The following FGL1 variants were observed in gnomAD, a reference collection of about 807,000 sequenced individuals.
The protein encoded by FGL1 is fibrinogen-like protein 1.
FGL1 carries 59 observed loss-of-function variants against 43.7 expected under a neutral mutation model. The ratio of observed to expected loss-of-function variants is 1.35; its 90% CI spans 1.10 to 1.68. The LOEUF (loss-of-function observed/expected upper bound fraction) is 1.68, where lower values mean the gene tolerates loss of function less well. FGL1 is among the 40% of genes most tolerant of loss of function. The pLI, the probability that FGL1 is intolerant of heterozygous loss-of-function variation, is 0.00. For missense variants in FGL1, 596 were observed against 373.0 expected, an observed-to-expected ratio of 1.60 and a Z score of -4.92; for synonymous variants, 192 against 126.5, an observed-to-expected ratio of 1.52 and a Z score of -3.48.
intron 5 of FGL1, among the ~76,000 whole-genome samples, chr8:17,869,802 T>A (rs1482626617): frequency 6.6e-6 from 1 of 152,158 alleles, no homozygotes; most frequent in African/African-American, 2.4e-5. Flanking sequence ...GATATCTACA[T>A]GTGAAAGCAT....
At chr8:17,884,527 C>T (rs563857395) in intron 2 of FGL1, among the ~76,000 whole-genome samples, 1 of 152,202 alleles carries the variant, frequency 6.6e-6, no homozygotes, top group South Asian at 2.1e-4. Flanking sequence ...GTTCTTGTTA[C>T]TCTATCCCTA....
intron 3 of FGL1, among the ~76,000 whole-genome samples, chr8:17,875,547 T>TCTCTCTCTCTCTCTC (rs1563452433): frequency 6.2e-5 from 1 of 16,244 alleles, no homozygotes; most frequent in African/African-American, 1.6e-4. Flanking sequence ...CTTTCTTTCT[T>TCTCTCTCTCTCTCTC]TCTTTCTTTC....
At chr8:17,894,451 C>G (rs1271440961) in intron 1 of FGL1, among the ~76,000 whole-genome samples, 1 of 146,892 alleles carries the variant, frequency 6.8e-6, no homozygotes, top group Non-Finnish European at 1.5e-5. Context: ...TTGTATTTTT[C>G]TTAAGAATCC....
chr8:17,870,193 T>C (rs1257146053), intron 5 of FGL1, among the ~76,000 whole-genome samples: 2 of 152,288 alleles, frequency 1.3e-5, no homozygotes, highest in East Asian at 3.9e-4. Context: ...TGATATATGA[T>C]GACAAAAAAT....
intron 1 of FGL1, among the ~76,000 whole-genome samples, chr8:17,888,859 C>T (rs902852745): frequency 4.6e-5 from 7 of 152,178 alleles, no homozygotes; most frequent in African/African-American, 1.7e-4. Context: ...TATTTTCTAA[C>T]TATTCGTAGG....
intron 5 of FGL1, among the ~76,000 whole-genome samples, chr8:17,870,530 A>C (rs1012605721): frequency 1.2e-4 from 19 of 152,152 alleles, no homozygotes; most frequent in African/African-American, 4.6e-4. Flanking sequence ...TGGGAAAGAG[A>C]GTCCCTGAAT....
At chr8:17,870,086 G>C (rs2053335012) in intron 5 of FGL1, among the ~76,000 whole-genome samples, 1 of 151,896 alleles carries the variant, frequency 6.6e-6, no homozygotes, top group Non-Finnish European at 1.5e-5. Context: ...CTCCAGCCTG[G>C]GCGACAGAGC....
intron 2 of FGL1, chr8:17,882,712 T>TA (rs2053555423): frequency 2.9e-5 from 4 of 139,746 alleles, no homozygotes; most frequent in African/African-American, 1.1e-4. Flanking sequence ...ATATTATATA[T>TA]TATATATATT....
chr8:17,877,099 T>C (rs1238626736), intron 3 of FGL1, among the ~76,000 whole-genome samples: 1 of 152,142 alleles, frequency 6.6e-6, no homozygotes, highest in Non-Finnish European at 1.5e-5. Flanking sequence ...CAGCAGAAAG[T>C]ATGAAAAATG....
chr8:17,891,040 C>A (rs1412603018), intron 1 of FGL1, among the ~76,000 whole-genome samples: 1 of 152,134 alleles, frequency 6.6e-6, no homozygotes, highest in African/African-American at 2.4e-5. Context: ...GCACTTATCA[C>A]CAAATATAAT....
At chr8:17,875,539 T>TTCTCTCTCTCTCTC (rs1563452396) in intron 3 of FGL1, among the ~76,000 whole-genome samples, 3 of 14,658 alleles carry the variant, frequency 2.0e-4, no homozygotes, top group African/African-American at 5.9e-4. Context: ...TTCTTTCTCT[T>TTCTCTCTCTCTCTC]TCTTTCTTTC....
intron 1 of FGL1, among the ~76,000 whole-genome samples, chr8:17,887,812 G>T (rs1483870683): frequency 6.7e-6 from 1 of 148,404 alleles, no homozygotes; most frequent in East Asian, 2.0e-4. Context: ...TCCAGCCCAG[G>T]TGACAGTGCG....
At chr8:17,873,236 C>T (rs1177753482) in intron 5 of FGL1, among the ~76,000 whole-genome samples, 1 of 152,150 alleles carries the variant, frequency 6.6e-6, no homozygotes, top group Non-Finnish European at 1.5e-5. Context: ...AAAAATGACT[C>T]CATGCCAATT....
At chr8:17,873,606 T>C (rs1421097750) in intron 5 of FGL1, among the ~76,000 whole-genome samples, 1 of 151,910 alleles carries the variant, frequency 6.6e-6, no homozygotes, top group African/African-American at 2.4e-5. Flanking sequence ...CTCCAGGAAC[T>C]CAAGGCATCA....
In FGL1 at chr8:17,867,637, C is replaced by A. The variant is rs554388669; in HGVS notation, c.779+911G>T. Among the ~76,000 whole-genome samples, 131 of 152,208 alleles carry A rather than the reference C, an allele frequency of 8.6e-4. 2 individuals are homozygous for A. Among genetic ancestry groups the A allele is most frequent in the Non-Finnish European group, 3.4e-4 (23 of 68,042 alleles). On this transcript the variant is annotated intron_variant, in intron 7 of 7. Transcript: ENST00000427924. Reference sequence around the variant, plus strand: ...ACACGAGCACTATGAAACTCCAACACTGGATCTGATAACTCAGACTTCTAC... The same window carrying A: ...ACACGAGCACTATGAAACTCCAACAATGGATCTGATAACTCAGACTTCTAC...
At chr8:17,887,308 A>C (rs2053642564) in intron 1 of FGL1, among the ~76,000 whole-genome samples, 1 of 152,188 alleles carries the variant, frequency 6.6e-6, no homozygotes, top group African/African-American at 2.4e-5. Flanking sequence ...CTCTCCAAAG[A>C]ATCCCACCAG....
In FGL1 at chr8:17,882,112, A is replaced by T; in HGVS notation, c.131T>A (p.Val44Asp). ...RAQVRLLETR[V>D]KQQQVKIKQL... ...CTTGATCTTGACCTGTTGCTGTTTG[A>T]CCCGGGTCTCAAGCAGGCGCACCTG... Residue 44 changes from valine to aspartate, a missense_variant, in exon 3 of 8, where the codon GTC becomes GAC. Physicochemically the swap from Val to Asp is radical, Grantham distance 152 (BLOSUM62 -3). Transcript: ENST00000427924. The T allele has an allele frequency of 3.1e-6, 5 of 1,613,788 alleles. No homozygotes were observed. Among genetic ancestry groups the T allele is most frequent in the South Asian group, 1.1e-5 (1 of 91,064 alleles).
chr8:17,894,047 A>G (rs562017730), intron 1 of FGL1, among the ~76,000 whole-genome samples: 1 of 146,614 alleles, frequency 6.8e-6, no homozygotes, highest in South Asian at 2.1e-4. Flanking sequence ...CTTCCCCACT[A>G]TATTTAAAAA....
intron 1 of FGL1, among the ~76,000 whole-genome samples, chr8:17,890,626 C>A (rs947406045): frequency 1.3e-5 from 2 of 152,134 alleles, no homozygotes; most frequent in African/African-American, 4.8e-5. Context: ...AGTCCATTCT[C>A]ATTTTATAAA....
Sources: allele counts gnomAD v4.1 joint callset (sites outside exome capture counted in the v4.1 genomes callset), GRCh38; gene constraint gnomAD v4.1.1; transcripts MANE v1.5; gene names NCBI Gene and HGNC (gene_info 2026-07-23, HGNC 2026-07-21).